MAML2: variants seen among roughly 807,000 people sequenced by gnomAD.
MAML2 encodes the protein mastermind like transcriptional coactivator 2.
A neutral mutation model predicts 96.1 loss-of-function variants in MAML2; 22 were observed. The ratio of observed to expected loss-of-function variants is 0.23; its 90% CI spans 0.16 to 0.33. MAML2 has a LOEUF of 0.33. Among genes scored for constraint, MAML2 ranks in the 10% least tolerant of loss-of-function variants. MAML2 has a pLI of 1.00. For missense variants in MAML2, 1,367 were observed against 1,392.4 expected (o/e 0.98, Z 0.29); for synonymous variants, 561 against 521.3 (o/e 1.08, Z -1.04).
chr11:96,252,591 A>C (rs1331420260), intron 1 of MAML2, among the ~76,000 whole-genome samples: 1 of 151,794 alleles, frequency 6.6e-6, no homozygotes, highest in African/African-American at 2.4e-5. Context: ...ATGCCTGGCT[A>C]ATTTTTGTAT....
At chr11:96,186,379 C>T (rs1381050162) in intron 1 of MAML2, among the ~76,000 whole-genome samples, 19 of 152,068 alleles carry the variant, frequency 1.2e-4, no homozygotes, top group Admixed American at 8.5e-4. Flanking sequence ...CACCTGAGGT[C>T]GGGAGTTTGA....
chr11:96,154,290 T>C (rs1372436712), intron 1 of MAML2, among the ~76,000 whole-genome samples: 2 of 152,132 alleles, frequency 1.3e-5, no homozygotes, highest in Non-Finnish European at 1.5e-5. Flanking sequence ...GGGACAAAAC[T>C]TTTGAGCAGT....
intron 1 of MAML2, among the ~76,000 whole-genome samples, chr11:96,181,595 G>A (rs753982018): frequency 2.0e-5 from 3 of 151,914 alleles, no homozygotes; most frequent in Admixed American, 6.6e-5. Flanking sequence ...AAGCTCCTAA[G>A]ATGCAAAAAA....
chr11:96,135,885 T>C (rs1387063214), intron 1 of MAML2, among the ~76,000 whole-genome samples: 1 of 151,384 alleles, frequency 6.6e-6, no homozygotes, highest in African/African-American at 2.4e-5. Context: ...AAAAATTATA[T>C]TGAAATTAAC....
rs1482868471 is a variant in MAML2, at chr11:96,092,199, T to A, written c.1832A>T (p.Gln611Leu). 6.5e-7 allele frequency: 1 copy of A among 1,528,046 alleles called. No individual in the cohort carries two copies. The highest frequency in any genetic ancestry group is 8.8e-7 in the Non-Finnish European group (1 of 1,138,756). The allele number at this position is 1,528,046 out of a possible 1,614,324, so 94.7% of individuals were successfully genotyped here. ...TTGCTGTTGCTGTTGCTGTTGCTGC[T>A]GCTGCTGCTGTTGCTGCTGCTGCTG... ...QQQQQQQQQQ[Q>L]QQQQQQQQQQ... Residue 611 changes from glutamine to leucine, a missense_variant, in exon 2 of 5, where the codon CAG (glutamine) becomes CTG (leucine). Transcript: ENST00000524717. The surrounding 1 kb of genome is among the most constrained non-coding windows in gnomAD (Gnocchi z 4.1).
intron 1 of MAML2, among the ~76,000 whole-genome samples, chr11:96,210,607 A>G (rs1259760516): frequency 6.6e-6 from 1 of 152,244 alleles, no homozygotes; most frequent in African/African-American, 2.4e-5. Context: ...CTTTCTAAGA[A>G]TTATTTACTC....
At position 96,099,997 on chromosome 11, in the gene MAML2, G is replaced by A. The variant is rs145872054; in HGVS notation, c.514-6480C>T. Among the ~76,000 whole-genome samples, 202 of 152,240 alleles carry A rather than the reference G, an allele frequency of 1.3e-3. 2 individuals are homozygous for A. The highest frequency in any genetic ancestry group is 4.6e-3 in the African/African-American group (191 of 41,546). ...ACGAGAATGTGAAGCCCTGAGAACCGGAACTGTGAAGAAAATGTATTGTCA... is the reference window on the plus strand; with the variant it reads ...ACGAGAATGTGAAGCCCTGAGAACCAGAACTGTGAAGAAAATGTATTGTCA... On this transcript the variant is annotated intron_variant, in intron 1 of 4. Transcript: ENST00000524717.
chr11:96,002,702 G>A (rs1488032174), intron 2 of MAML2, among the ~76,000 whole-genome samples: 2 of 61,164 alleles, frequency 3.3e-5, no homozygotes, highest in African/African-American at 6.9e-5. Flanking sequence ...GAGCATGATG[G>A]GGATGATAAG....
At chr11:96,197,138 T>C (rs1345190260) in intron 1 of MAML2, among the ~76,000 whole-genome samples, 2 of 152,176 alleles carry the variant, frequency 1.3e-5, no homozygotes, top group Non-Finnish European at 2.9e-5. Context: ...AAATGCTGCA[T>C]GTGGTGTGGT....
chr11:95,980,159 C>G (rs1353763266), intron 4 of MAML2, among the ~76,000 whole-genome samples, 196 bp from the exon 5 acceptor site: 1 of 152,124 alleles, frequency 6.6e-6, no homozygotes, highest in East Asian at 1.9e-4. Context: ...CTTTTTGGTT[C>G]AGAAGTTTAC....
intron 1 of MAML2, among the ~76,000 whole-genome samples, chr11:96,151,864 C>CA (rs1489372975): frequency 6.6e-6 from 1 of 152,178 alleles, no homozygotes; most frequent in East Asian, 1.9e-4. Context: ...GAGACTAATA[C>CA]AGCCCTTAGG....
Position 96,342,086 on chromosome 11 carries a change from G to A in MAML2, c.-191C>T, listed in dbSNP as rs1358147303. 1 of 576,796 alleles carries A rather than the reference G, an allele frequency of 1.7e-6. No individual in the cohort carries two copies. The highest frequency in any genetic ancestry group is 3.0e-6 in the Non-Finnish European group (1 of 331,436). The allele number at this position is 576,796 out of a possible 1,614,324, so 35.7% of individuals were successfully genotyped here. A position where few individuals can be genotyped will look rare whatever the true frequency, so the allele number is the denominator to read the frequency against. ...GGGGAGTTAGTAAAAAGAGGGTGGG[G>A]AGAAAGAATAGAAACCAACTGGGGG... On this transcript the variant is annotated 5_prime_UTR_variant, in exon 1 of 5. Coordinates refer to ENST00000524717, the MANE Select transcript of MAML2 (RefSeq NM_032427.4).
At chr11:96,290,227 G>A (rs1390795424) in intron 1 of MAML2, among the ~76,000 whole-genome samples, 2 of 152,130 alleles carry the variant, frequency 1.3e-5, no homozygotes, top group Non-Finnish European at 2.9e-5. Context: ...GTAATAAGCT[G>A]AACTCTAACA....
At chr11:96,046,851 G>A (rs1449754134) in intron 2 of MAML2, among the ~76,000 whole-genome samples, 1 of 152,126 alleles carries the variant, frequency 6.6e-6, no homozygotes, top group African/African-American at 2.4e-5. Flanking sequence ...GATCACCCAG[G>A]AAGTTGACAG....
chr11:96,009,251 T>G (rs981727005), intron 2 of MAML2, among the ~76,000 whole-genome samples: 2 of 152,192 alleles, frequency 1.3e-5, no homozygotes, highest in African/African-American at 4.8e-5. Flanking sequence ...CAACTTTTCC[T>G]TTACATCTTC....
intron 2 of MAML2, among the ~76,000 whole-genome samples, chr11:96,079,507 G>A (rs191560818): frequency 6.6e-6 from 1 of 152,188 alleles, no homozygotes; most frequent in Admixed American, 6.5e-5. Context: ...TTAACCTTAA[G>A]CAAATTACTA....
In MAML2 at chr11:96,055,431, G is replaced by GA. The variant is rs536549539; in HGVS notation, c.2139+36460dup. On this transcript the variant is annotated intron_variant, in intron 2 of 4. Coordinates refer to ENST00000524717, the MANE Select transcript of MAML2 (RefSeq NM_032427.4). The stretch of plus-strand genomic sequence containing the variant: ...TCTAAGAGAGGAAAGAGGCAGGGGG[G>GA]AAAAAAAAGAGCCAGCTACTCCAAG... Among the ~76,000 whole-genome samples, 10 of 151,656 alleles carry GA rather than the reference G, an allele frequency of 6.6e-5. No homozygotes were observed. In the South Asian group the frequency reaches 1.7e-3, roughly 25 times the overall value.
At chr11:96,125,592 C>T (rs554610506) in intron 1 of MAML2, among the ~76,000 whole-genome samples, 85 of 152,286 alleles carry the variant, frequency 5.6e-4, no homozygotes, top group South Asian at 1.7e-3. Context: ...CGAAATCCTA[C>T]GTGTGTCAGT....
At chr11:96,117,492 G>T (rs1214469709) in intron 1 of MAML2, among the ~76,000 whole-genome samples, 1 of 151,806 alleles carries the variant, frequency 6.6e-6, no homozygotes, top group Non-Finnish European at 1.5e-5. Flanking sequence ...TTGAGACAAG[G>T]TTTTGCCACA....
Sources: gnomAD v4.1 joint callset for allele counts (sites outside exome capture counted in the v4.1 genomes callset) on GRCh38, gnomAD v4.1.1 for gene constraint, Gnocchi (gnomAD v3.1) non-coding constraint, MANE v1.5 for transcripts, NCBI Gene and HGNC (gene_info 2026-07-23, HGNC 2026-07-21) for gene names.